The following L3MBTL4 variants were observed in gnomAD, a reference collection of about 807,000 sequenced individuals.
L3MBTL4 encodes the protein lethal(3)malignant brain tumor-like protein 4.
In L3MBTL4, 70 loss-of-function variants were observed where a neutral mutation model predicts 84.5. That is an observed-to-expected ratio of 0.83 (90% CI 0.68 to 1.01). The LOEUF is 1.01. Among genes scored for constraint, L3MBTL4 ranks in the 50% least tolerant of loss-of-function variants. L3MBTL4 has a pLI of 0.00. For missense variants in L3MBTL4, 715 were observed against 754.8 expected (o/e 0.95, Z 0.62); for synonymous variants, 274 against 259.8 (o/e 1.05, Z -0.52).
chr18:6,370,656 T>A (rs927252358), intron 1 of L3MBTL4, among the ~76,000 whole-genome samples: 1 of 152,054 alleles, frequency 6.6e-6, no homozygotes, highest in South Asian at 2.1e-4. Context: ...AATGTGTGTA[T>A]GATTCAAAGG....
chr18:5,995,827 G>A lies in L3MBTL4; in HGVS notation c.1445-26265C>T, dbSNP rs115952556. Among the ~76,000 whole-genome samples the A allele has an allele frequency of 1.6e-3, 245 of 152,230 alleles. 2 individuals are homozygous for A. The highest frequency in any genetic ancestry group is 5.8e-3 in the African/African-American group (241 of 41,536). ...TTAGCAGGAAAATGCCACCCTACAG[G>A]GCATGGCTGGTAGGGAGAAGCCAAG... is the stretch of plus-strand genomic sequence containing the variant. On this transcript the variant is annotated intron_variant, in intron 16 of 18. Coordinates refer to ENST00000317931, the MANE Select transcript of L3MBTL4 (RefSeq NM_001330559.2).
At chr18:6,081,349 C>G (rs1413591568) in intron 15 of L3MBTL4, 2 of 156,202 alleles carry the variant, frequency 1.3e-5, no homozygotes. Flanking sequence ...ACACTGTGCT[C>G]AAACAACTGT....
chr18:6,135,310 C>T (rs975224801), intron 14 of L3MBTL4, among the ~76,000 whole-genome samples: 34 of 152,284 alleles, frequency 2.2e-4, no homozygotes, highest in African/African-American at 7.9e-4. Context: ...GGCCTGGAGA[C>T]ATTTTCCCCA....
At chr18:6,091,805 G>T (rs909177709) in intron 15 of L3MBTL4, among the ~76,000 whole-genome samples, 2 of 152,060 alleles carry the variant, frequency 1.3e-5, no homozygotes, top group Non-Finnish European at 2.9e-5. Context: ...ATTTACAAGT[G>T]AAACTGACTA....
At chr18:6,357,967 A>G (rs1381259722) in intron 1 of L3MBTL4, among the ~76,000 whole-genome samples, 1 of 152,184 alleles carries the variant, frequency 6.6e-6, no homozygotes, top group Non-Finnish European at 1.5e-5. Flanking sequence ...ACCACTAGAA[A>G]ATGCCTTTGA....
At chr18:6,132,365 G>A (rs1452429596) in intron 14 of L3MBTL4, among the ~76,000 whole-genome samples, 1 of 151,980 alleles carries the variant, frequency 6.6e-6, no homozygotes, top group African/African-American at 2.4e-5. Context: ...CTGAGACCCT[G>A]GAATCATGAA....
At chr18:6,356,982 G>T (rs574594900) in intron 1 of L3MBTL4, among the ~76,000 whole-genome samples, 7 of 152,170 alleles carry the variant, frequency 4.6e-5, no homozygotes, top group Non-Finnish European at 8.8e-5. Context: ...CTGTCACTGG[G>T]TGACAGGAAT....
chr18:6,074,955 T>C (rs1032967434), intron 16 of L3MBTL4, among the ~76,000 whole-genome samples: 2 of 151,956 alleles, frequency 1.3e-5, no homozygotes, highest in Non-Finnish European at 2.9e-5. Context: ...TTCAGGAACA[T>C]ATATAAAAAG....
At chr18:6,274,816 T>A (rs1186264373) in intron 4 of L3MBTL4, among the ~76,000 whole-genome samples, 1 of 151,722 alleles carries the variant, frequency 6.6e-6, no homozygotes, top group Non-Finnish European at 1.5e-5. Flanking sequence ...GAGATAGCTC[T>A]CCCTTTCCCC....
chr18:5,997,345 C>T (rs2054020332), intron 16 of L3MBTL4, among the ~76,000 whole-genome samples: 1 of 142,178 alleles, frequency 7.0e-6, no homozygotes, highest in Admixed American at 6.8e-5. Context: ...ACACACCTTC[C>T]TCACAATTTG....
chr18:6,292,922 T>C (rs545060347), intron 4 of L3MBTL4, among the ~76,000 whole-genome samples: 4 of 148,456 alleles, frequency 2.7e-5, no homozygotes, highest in Admixed American at 1.3e-4. Flanking sequence ...CAATCAGGGC[T>C]TGCCAGTTCC....
At chr18:6,000,879 G>A (rs755854873) in intron 16 of L3MBTL4, among the ~76,000 whole-genome samples, 17 of 152,196 alleles carry the variant, frequency 1.1e-4, no homozygotes, top group African/African-American at 4.1e-4. Flanking sequence ...GAAGTGCCAG[G>A]AATCTGTCTC....
At chr18:5,988,771 G>A (rs1307433674) in intron 16 of L3MBTL4, among the ~76,000 whole-genome samples, 1 of 152,134 alleles carries the variant, frequency 6.6e-6, no homozygotes, top group Admixed American at 6.5e-5. Flanking sequence ...AGGAGATGTG[G>A]GCATCTGGCG....
chr18:6,014,557 G>C (rs2145423455), intron 16 of L3MBTL4, among the ~76,000 whole-genome samples: 1 of 152,292 alleles, frequency 6.6e-6, no homozygotes, highest in Admixed American at 6.5e-5. Context: ...ATTAGCAGGG[G>C]ATGGCAAAGT....
At chr18:6,013,826 G>A (rs1383600426) in intron 16 of L3MBTL4, among the ~76,000 whole-genome samples, 1 of 152,244 alleles carries the variant, frequency 6.6e-6, no homozygotes, top group Non-Finnish European at 1.5e-5. Context: ...TGCTGAATGA[G>A]TGAGTGATAA....
At chr18:6,145,179 G>A (rs61416905) in intron 13 of L3MBTL4, among the ~76,000 whole-genome samples, 30,635 of 152,030 alleles carry the variant, frequency 0.2, 4,106 homozygotes, top group African/African-American at 0.38. Flanking sequence ...GGCAAAAATC[G>A]AGAAATAAAA....
At chr18:5,988,078 G>A (rs1313751311) in intron 16 of L3MBTL4, among the ~76,000 whole-genome samples, 1 of 152,204 alleles carries the variant, frequency 6.6e-6, no homozygotes, top group Non-Finnish European at 1.5e-5. Context: ...TTAGGTGCTT[G>A]TCAGATCCCT....
intron 16 of L3MBTL4, among the ~76,000 whole-genome samples, chr18:6,069,849 C>G (rs1437094236): frequency 6.6e-6 from 1 of 152,172 alleles, no homozygotes; most frequent in Non-Finnish European, 1.5e-5. Context: ...GAGAATTTTA[C>G]TCAAGAACTA....
At chr18:6,176,488 T>C (rs1256035157) in intron 12 of L3MBTL4, among the ~76,000 whole-genome samples, 2 of 152,052 alleles carry the variant, frequency 1.3e-5, no homozygotes, top group Non-Finnish European at 1.5e-5. Flanking sequence ...ACCAGAATGC[T>C]TGAACATCAA....
Sources: allele counts gnomAD v4.1 joint callset (sites outside exome capture counted in the v4.1 genomes callset), GRCh38; gene constraint gnomAD v4.1.1; transcripts MANE v1.5; gene names NCBI Gene and HGNC (gene_info 2026-07-23, HGNC 2026-07-21).